The following PSTPIP1 variants were observed in gnomAD, a reference collection of about 807,000 sequenced individuals.
PSTPIP1 encodes proline-serine-threonine phosphatase interacting protein 1, also known as proline-serine-threonine phosphatase-interacting protein 1.
Under a neutral mutation model 69.6 loss-of-function variants are expected in PSTPIP1, and 66 were observed. The ratio of observed to expected loss-of-function variants is 0.95; its 90% CI spans 0.78 to 1.16. The LOEUF (loss-of-function observed/expected upper bound fraction) is 1.16. Ranked by LOEUF, PSTPIP1 falls within the 50% of genes most tolerant of loss-of-function variation. The probability of loss-of-function intolerance (pLI) is 0.00; values close to 1 mark genes in which losing one functional copy is unlikely to be tolerated. For missense variants in PSTPIP1, 603 were observed against 557.4 expected, an observed-to-expected ratio of 1.08 and a Z score of -0.82; for synonymous variants, 266 against 222.7, an observed-to-expected ratio of 1.19 and a Z score of -1.73.
chr15:77,030,172 C>A (rs960289941), intron 8 of PSTPIP1, among the ~76,000 whole-genome samples: 2 of 152,206 alleles, frequency 1.3e-5, no homozygotes, highest in Non-Finnish European at 2.9e-5. Context: ...TCCTCCAGCG[C>A]CCTCTCAGCT....
At position 77,006,025 on chromosome 15, in the gene PSTPIP1, G is replaced by T. The variant is rs576994176; in HGVS notation, c.36+10416G>T. Among the ~76,000 whole-genome samples the T allele has an allele frequency of 3.9e-5, 6 of 152,238 alleles. No homozygotes were observed. In the South Asian group the frequency reaches 1.2e-3, roughly 32 times the overall value. On this transcript the variant is annotated intron_variant, in intron 1 of 14. Coordinates refer to ENST00000558012, the MANE Select transcript of PSTPIP1 (RefSeq NM_003978.5). ...TAGGAGTGGAATTGCTGGATCATAT[G>T]GTAATCCTATGTTTAACTTTTTGAG...
intron 1 of PSTPIP1, among the ~76,000 whole-genome samples, chr15:76,997,597 T>C (rs1160676481): frequency 6.6e-6 from 1 of 152,186 alleles, no homozygotes; most frequent in Non-Finnish European, 1.5e-5. Context: ...TTGCGCAAGG[T>C]CACACTGCTG....
At chr15:77,031,091 T>A in intron 9 of PSTPIP1, 89 bp from the exon 10 acceptor site, 1 of 1,298,342 alleles carries the variant, frequency 7.7e-7, no homozygotes. Context: ...GCTGGCCTGG[T>A]CAGCTCCGGC....
At chr15:77,012,256 C>T (rs900179825) in intron 1 of PSTPIP1, among the ~76,000 whole-genome samples, 1 of 144,106 alleles carries the variant, frequency 6.9e-6, no homozygotes, top group African/African-American at 2.5e-5. Context: ...CATCCATCTA[C>T]CTACCCATCC....
intron 3 of PSTPIP1, among the ~76,000 whole-genome samples, 185 bp downstream of exon 3, chr15:77,018,716 C>T (rs996938147): frequency 5.3e-5 from 8 of 152,004 alleles, no homozygotes; most frequent in Admixed American, 1.3e-4. Flanking sequence ...GGAGGAAGCC[C>T]GAGGGTCTGA....
chr15:76,994,727 C>T (rs537159004), upstream of PSTPIP1: 33 of 1,285,852 alleles, frequency 2.6e-5, no homozygotes, highest in South Asian at 9.9e-5. Flanking sequence ...GCTGTGTCTG[C>T]TCCCAGACTA....
chr15:77,022,792 G>C (rs1048750458), intron 3 of PSTPIP1, among the ~76,000 whole-genome samples: 11 of 152,214 alleles, frequency 7.2e-5, no homozygotes, highest in African/African-American at 2.4e-4. Flanking sequence ...TTCCAGCAAC[G>C]GGGACAGGGG....
chr15:77,008,320 C>T (rs189377003), intron 1 of PSTPIP1, among the ~76,000 whole-genome samples: 1 of 152,216 alleles, frequency 6.6e-6, no homozygotes, highest in Admixed American at 6.5e-5. Context: ...GAGCAGGAGC[C>T]GCTCTGAAGC....
At chr15:77,028,693 G>A (rs1316759398) in intron 7 of PSTPIP1, 41 bp downstream of exon 7, 1 of 1,454,992 alleles carries the variant, frequency 6.9e-7, no homozygotes, top group African/African-American at 1.4e-5. Flanking sequence ...CCCAGGGCTG[G>A]GGGCAGTGGG....
intron 1 of PSTPIP1, among the ~76,000 whole-genome samples, chr15:77,015,535 A>T (rs941389099): frequency 2.0e-5 from 3 of 152,144 alleles, no homozygotes; most frequent in Middle Eastern, 3.2e-3. Context: ...GGGGAGATGG[A>T]GGTAAGAGGA....
At chr15:77,033,381 T>C (rs2076469218) in intron 12 of PSTPIP1, among the ~76,000 whole-genome samples, 1 of 152,268 alleles carries the variant, frequency 6.6e-6, no homozygotes, top group Non-Finnish European at 1.5e-5. Flanking sequence ...AAGGTCCTAG[T>C]GCTGGGCCTC....
At chr15:77,007,905 A>G (rs928582278) in intron 1 of PSTPIP1, 3 of 455,836 alleles carry the variant, frequency 6.6e-6, no homozygotes, top group African/African-American at 6.0e-5. Flanking sequence ...GCAATAGAAC[A>G]CTTTGAGGAC....
chr15:77,031,093 A>G (rs1256654023), intron 9 of PSTPIP1, 87 bp from the exon 10 acceptor site: 9 of 1,318,372 alleles, frequency 6.8e-6, no homozygotes, highest in Non-Finnish European at 8.6e-6. Flanking sequence ...TGGCCTGGTC[A>G]GCTCCGGCTG....
chr15:77,029,608 C>A lies in PSTPIP1; in HGVS notation c.562+34C>A, dbSNP rs919009893. On this transcript the variant is annotated intron_variant, in intron 8 of 14. Transcript: ENST00000558012. ...GCCTGGCTGCCCCGTCCGACCAGGG[C>A]GGAGGCCTGGGCGGTACTCCCCACA... 1.3e-5 allele frequency: 20 copies of A among 1,556,006 alleles called. No individual in the cohort carries two copies. In the African/African-American group the frequency reaches 2.3e-4, roughly 18 times the overall value.
rs796945203 is a variant in PSTPIP1 at position 77,025,400 on chromosome 15, T to TTGGGGC, written c.248-87_248-82dup. 172 of 1,580,350 alleles carry TTGGGGC rather than the reference T, an allele frequency of 1.1e-4. No homozygotes were observed. In the African/African-American group the frequency reaches 1.7e-3, roughly 15 times the overall value. ...GTTTGGGGGGACAGAAGATGAGGTG[T>TTGGGGC]TGGGGCTGGGGCTGGGCTGGCCCAC... On this transcript the variant is annotated intron_variant, in intron 4 of 14. Coordinates refer to ENST00000558012, the MANE Select transcript of PSTPIP1 (RefSeq NM_003978.5).
chr15:77,018,401 C>G (rs1040910584), intron 2 of PSTPIP1, 56 bp from the exon 3 acceptor site: 10 of 1,548,606 alleles, frequency 6.5e-6, no homozygotes, highest in African/African-American at 1.4e-5. Context: ...CAAACCTGGG[C>G]CTCCCCCAGA....
intron 1 of PSTPIP1, among the ~76,000 whole-genome samples, chr15:77,017,532 G>T (rs1408930610): frequency 3.3e-5 from 5 of 150,928 alleles, no homozygotes; most frequent in Non-Finnish European, 7.4e-5. Context: ...TCTCCGTGAG[G>T]GGGGGTTTCC....
At chr15:77,026,217 G>C (rs2076278596) in intron 5 of PSTPIP1, 2 of 455,920 alleles carry the variant, frequency 4.4e-6, no homozygotes, top group Non-Finnish European at 8.8e-6. Flanking sequence ...GAGGCTGCAG[G>C]GCTGAAGTTG....
Position 76,995,639 on chromosome 15 carries a change from A to T in PSTPIP1, c.36+30A>T, listed in dbSNP as rs764014004. ...GTGAGGATGGTTGGGGGCACTGAAC[A>T]AGTGGAGGGGGCAGAGCTAGGCTGA... On this transcript the variant is annotated intron_variant, in intron 1 of 14. Coordinates refer to ENST00000558012, the MANE Select transcript of PSTPIP1 (RefSeq NM_003978.5). 3.1e-6 allele frequency: 5 copies of T among 1,612,480 alleles called. No homozygotes were observed. In the East Asian group the frequency reaches 1.1e-4, roughly 36 times the overall value.
Sources: allele counts gnomAD v4.1 joint callset (sites outside exome capture counted in the v4.1 genomes callset), GRCh38; gene constraint gnomAD v4.1.1; transcripts MANE v1.5; gene names NCBI Gene and HGNC (gene_info 2026-07-23, HGNC 2026-07-21).